Variants in DENND1A observed in about 807,000 individuals in gnomAD.
DENND1A encodes DENN domain-containing protein 1A.
In DENND1A, 51 loss-of-function variants were observed where a neutral mutation model predicts 113.7. The ratio of observed to expected loss-of-function variants is 0.45; its 90% confidence interval spans 0.36 to 0.57. DENND1A has a LOEUF of 0.57. DENND1A is among the 20% of genes least tolerant of loss of function. The pLI is 0.00. For missense variants in DENND1A, 1,258 were observed against 1,395.9 expected (o/e 0.90, Z 1.57); for synonymous variants, 565 against 570.8 (o/e 0.99, Z 0.14).
chr9:123,529,253 T>C (rs1320825735), intron 13 of DENND1A, among the ~76,000 whole-genome samples: 1 of 152,158 alleles, frequency 6.6e-6, no homozygotes, highest in African/African-American at 2.4e-5. Context: ...AGACAAGTAA[T>C]AGATACATTA....
intron 3 of DENND1A, among the ~76,000 whole-genome samples, chr9:123,785,197 A>G (rs1046288492): frequency 6.6e-6 from 1 of 151,858 alleles, no homozygotes; most frequent in Non-Finnish European, 1.5e-5. Flanking sequence ...TTTTTTTTAA[A>G]TTAGGCAGCA....
chr9:123,819,868 T>C (rs1185640768), intron 2 of DENND1A, among the ~76,000 whole-genome samples: 2 of 152,248 alleles, frequency 1.3e-5, no homozygotes, highest in Non-Finnish European at 2.9e-5. Context: ...TTTTCTCTTT[T>C]ACTTTTCTGA....
chr9:123,485,291 C>T (rs920341672), intron 13 of DENND1A, among the ~76,000 whole-genome samples: 2 of 152,180 alleles, frequency 1.3e-5, no homozygotes, highest in African/African-American at 4.8e-5. Context: ...GTGTGAGTCA[C>T]AAGGCTTAGC....
chr9:123,653,366 G>A (rs551280272), intron 8 of DENND1A, among the ~76,000 whole-genome samples: 1 of 152,278 alleles, frequency 6.6e-6, no homozygotes, highest in East Asian at 1.9e-4. Context: ...CCAGTGAGGC[G>A]TTATTCTTTC....
intron 4 of DENND1A, among the ~76,000 whole-genome samples, chr9:123,769,170 T>C (rs1829326804): frequency 6.6e-6 from 1 of 152,184 alleles, no homozygotes; most frequent in African/African-American, 2.4e-5. Context: ...TCAAGTAATA[T>C]TACTTGTTTA....
intron 2 of DENND1A, among the ~76,000 whole-genome samples, chr9:123,809,087 G>C (rs1836102409): frequency 6.6e-6 from 1 of 152,192 alleles, no homozygotes; most frequent in African/African-American, 2.4e-5. Flanking sequence ...GGAGGCAACA[G>C]GAGGAACCCA....
chr9:123,395,830 A>G (rs1588308624), intron 21 of DENND1A, among the ~76,000 whole-genome samples: 1 of 152,152 alleles, frequency 6.6e-6, no homozygotes, highest in Non-Finnish European at 1.5e-5. Flanking sequence ...CCCGCCTCCC[A>G]GGTGCTTGAC....
chr9:123,628,992 C>T (rs1476616024), intron 10 of DENND1A, among the ~76,000 whole-genome samples: 1 of 152,194 alleles, frequency 6.6e-6, no homozygotes, highest in Non-Finnish European at 1.5e-5. Context: ...CATGATGTCC[C>T]TGAGTTATGT....
rs2062407840 is a variant in DENND1A at position 123,647,644 on chromosome 9, T to C, written c.618+4369A>G. On this transcript the variant is annotated intron_variant, in intron 9 of 23. Coordinates refer to ENST00000394215, the MANE Select transcript of DENND1A (RefSeq NM_001352964.2). ...TTTAGTTTTTCTAGCTTGAACTTTA[T>C]ATTAATGAAATCATACTGAACAGTA... is the stretch of plus-strand genomic sequence containing the variant. Among the ~76,000 whole-genome samples the C allele has an allele frequency of 1.3e-5, 2 of 152,242 alleles. 1 individual carries two copies. Among genetic ancestry groups the C allele is most frequent in the South Asian group, 4.1e-4 (2 of 4,834 alleles).
intron 1 of DENND1A, among the ~76,000 whole-genome samples, chr9:123,914,702 C>T (rs1018464004): frequency 6.6e-6 from 1 of 151,820 alleles, no homozygotes; most frequent in African/African-American, 2.4e-5. Flanking sequence ...AGGGAGCCAG[C>T]GTGTCACATA....
chr9:123,765,156 A>G (rs2071362131), intron 4 of DENND1A, among the ~76,000 whole-genome samples: 1 of 152,148 alleles, frequency 6.6e-6, no homozygotes, highest in Admixed American at 6.5e-5. Context: ...TTGCTTTTGA[A>G]ATAAAACCGT....
At chr9:123,489,156 C>T (rs1435475898) in intron 13 of DENND1A, among the ~76,000 whole-genome samples, 1 of 152,082 alleles carries the variant, frequency 6.6e-6, no homozygotes. Flanking sequence ...AGACCTAGCT[C>T]GAATGGAGGG....
intron 13 of DENND1A, among the ~76,000 whole-genome samples, chr9:123,551,998 A>C (rs2057080790): frequency 6.7e-6 from 1 of 148,792 alleles, no homozygotes; most frequent in African/African-American, 2.5e-5. Flanking sequence ...AGAGCGAGAG[A>C]GAGCGAGAGA....
intron 2 of DENND1A, among the ~76,000 whole-genome samples, chr9:123,875,130 TACAG>T (rs1847256956): frequency 6.6e-6 from 1 of 152,202 alleles, no homozygotes; most frequent in Admixed American, 6.5e-5. Flanking sequence ...CAGAGCTACA[TACAG>T]AATAATTCCA....
chr9:123,729,466 T>C (rs1252674482), intron 5 of DENND1A, among the ~76,000 whole-genome samples: 3 of 152,074 alleles, frequency 2.0e-5, no homozygotes, highest in Admixed American at 6.6e-5. Context: ...ATACCAATAA[T>C]GGACAAACAG....
intron 2 of DENND1A, among the ~76,000 whole-genome samples, chr9:123,799,189 G>A (rs770353223): frequency 6.6e-6 from 1 of 152,046 alleles, no homozygotes; most frequent in Non-Finnish European, 1.5e-5. Context: ...CTATTTGATG[G>A]AACACCCACT....
intron 13 of DENND1A, among the ~76,000 whole-genome samples, chr9:123,495,848 T>C (rs1006090686): frequency 8.5e-5 from 13 of 152,258 alleles, no homozygotes; most frequent in Non-Finnish European, 4.4e-5. Context: ...AGGGCACCAT[T>C]GTTCCTTAGC....
chr9:123,480,635 G>A (rs2050259091), intron 13 of DENND1A, among the ~76,000 whole-genome samples: 1 of 152,052 alleles, frequency 6.6e-6, no homozygotes, highest in South Asian at 2.1e-4. Flanking sequence ...TTCCTCTGGG[G>A]TCCCATAGCA....
intron 13 of DENND1A, among the ~76,000 whole-genome samples, chr9:123,517,841 G>T (rs1227495192): frequency 1.3e-5 from 2 of 152,062 alleles, no homozygotes; most frequent in Non-Finnish European, 2.9e-5. Context: ...ATTTAAAAAG[G>T]CATAAAAAAC....
Sources: allele counts gnomAD v4.1 joint callset (sites outside exome capture counted in the v4.1 genomes callset), GRCh38; gene constraint gnomAD v4.1.1; transcripts MANE v1.5; gene names NCBI Gene and HGNC (gene_info 2026-07-23, HGNC 2026-07-21).